The following RASGRF2 variants were observed in gnomAD, a reference collection of about 807,000 sequenced individuals.
RASGRF2 encodes the protein Ras protein specific guanine nucleotide releasing factor 2, also known as ras-specific guanine nucleotide-releasing factor 2.
A neutral mutation model predicts 151.0 loss-of-function variants in RASGRF2; 76 were observed. The observed-to-expected ratio is 0.50, with a 90% confidence interval of 0.42 to 0.61. The LOEUF (loss-of-function observed/expected upper bound fraction) is 0.61, where lower values mean the gene tolerates loss of function less well. RASGRF2 is among the 20% of genes least tolerant of loss of function. RASGRF2 has a pLI of 0.00. For synonymous variants in RASGRF2, 504 were observed against 566.5 expected (o/e 0.89, Z 1.57); for missense variants, 1,148 against 1,564.6 (o/e 0.73, Z 4.49).
At position 81,180,196 on chromosome 5, in the gene RASGRF2, C is replaced by A; in HGVS notation, c.2708C>A (p.Thr903Lys). 1 of 1,609,268 alleles carries A rather than the reference C, an allele frequency of 6.2e-7. No individual in the cohort carries two copies. Among genetic ancestry groups the A allele is most frequent in the Non-Finnish European group, 8.5e-7 (1 of 1,175,790 alleles). ...SPPGFNNTER[T>K]CDKEFIIRRT... ...TAAGGCTTTAACAACACCGAGAGAA[C>A]ATGTGATAAAGAGTTTATTATACGG... The change falls in exon 18 of 27, where the codon ACA (threonine) becomes AAA (lysine). Residue 903 changes from threonine (T) to lysine (K), a missense_variant. Thr to Lys is a moderately conservative substitution (Grantham distance 78, BLOSUM62 -1). Coordinates refer to ENST00000265080, the MANE Select transcript of RASGRF2 (RefSeq NM_006909.3).
At chr5:81,225,634 G>A (rs1408356572) in intron 26 of RASGRF2, 44 bp from the exon 27 acceptor site, 2 of 1,604,192 alleles carry the variant, frequency 1.2e-6, no homozygotes, top group Non-Finnish European at 1.7e-6. Context: ...GTACGCACTG[G>A]TGTCTGAAAG....
At chr5:81,080,821 G>C (rs1187005639) in intron 7 of RASGRF2, 32 bp downstream of exon 7, 7 of 1,593,254 alleles carry the variant, frequency 4.4e-6, no homozygotes, top group Non-Finnish European at 6.0e-6. Flanking sequence ...TTGTAAGTCA[G>C]AGTTTCCAGC....
chr5:81,009,912 A>G (rs1051091093), intron 1 of RASGRF2, among the ~76,000 whole-genome samples: 2 of 152,196 alleles, frequency 1.3e-5, no homozygotes, highest in African/African-American at 4.8e-5. Flanking sequence ...TAATCCCAGC[A>G]CTTTGGGAGG....
At chr5:81,116,370 A>G (rs986274613) in intron 15 of RASGRF2, among the ~76,000 whole-genome samples, 1 of 152,018 alleles carries the variant, frequency 6.6e-6, no homozygotes, top group Non-Finnish European at 1.5e-5. Context: ...GGCATGAGCC[A>G]CCATACCCAG....
At chr5:81,058,439 C>T (rs567392448) in intron 2 of RASGRF2, among the ~76,000 whole-genome samples, 27 of 152,240 alleles carry the variant, frequency 1.8e-4, no homozygotes, top group Admixed American at 3.3e-4. Context: ...TGATTTGATG[C>T]AATCCTGGAG....
chr5:81,080,673 G>A lies in RASGRF2; in HGVS notation c.1045G>A (p.Val349Ile). 6.2e-7 allele frequency: 1 copy of A among 1,614,190 alleles called. No homozygotes were observed. Among genetic ancestry groups the A allele is most frequent in the Non-Finnish European group, 8.5e-7 (1 of 1,179,992 alleles). The change falls in exon 7 of 27, where the codon GTT becomes ATT. Residue 349 changes from valine (V) to isoleucine (I), a missense_variant. By Grantham distance (29) the Val-to-Ile change is conservative. Transcript: ENST00000265080. ...GCGTAATCACCAGTACAGCCTGCAA[G>A]TTCTCGCCAATTGTAAGCAAAACAG... ...FVRNHQYSLQ[V>I]LANCKQNRDF...
intron 15 of RASGRF2, among the ~76,000 whole-genome samples, chr5:81,116,611 A>G (rs1415265810): frequency 6.6e-6 from 1 of 152,152 alleles, no homozygotes; most frequent in Non-Finnish European, 1.5e-5. Context: ...GCTCAATAGT[A>G]TTGTTGAACG....
chr5:81,154,737 C>A lies in RASGRF2; in HGVS notation c.2687-25438C>A, dbSNP rs78549660. ...ACAAATTGTTAAATAACTCATGGGT[C>A]AAAGAAAAAATAGATATTTCTTTGA... is the stretch of plus-strand genomic sequence containing the variant. On this transcript the variant is annotated intron_variant, in intron 17 of 26. Coordinates refer to ENST00000265080, the MANE Select transcript of RASGRF2 (RefSeq NM_006909.3). Among the ~76,000 whole-genome samples, 46 of 152,064 alleles carry A rather than the reference C, an allele frequency of 3.0e-4. No individual in the cohort carries two copies. The East Asian group carries it at 6.8e-3, about 22-fold the overall frequency.
chr5:80,960,396 G>T lies in RASGRF2; in HGVS notation c.-343G>T, dbSNP rs1444201322. Among the ~76,000 whole-genome samples the T allele has an allele frequency of 6.6e-6, 1 of 151,002 alleles. No individual in the cohort carries two copies. The highest frequency in any genetic ancestry group is 2.4e-5 in the African/African-American group (1 of 41,340). ...CCCGGCTGCCGCCCCAGCCCGCCGC[G>T]GGGGCTCGGCTCCCGCAACTTTGGG... On this transcript the variant is annotated 5_prime_UTR_variant, in exon 1 of 27. Coordinates refer to ENST00000265080, the MANE Select transcript of RASGRF2 (RefSeq NM_006909.3). The surrounding 1 kb of genome is among the most constrained non-coding windows in gnomAD (Gnocchi z 5.5).
chr5:81,211,058 C>T (rs191117809), intron 22 of RASGRF2, among the ~76,000 whole-genome samples: 9 of 151,130 alleles, frequency 6.0e-5, no homozygotes, highest in African/African-American at 2.2e-4. Flanking sequence ...GTGAGAGGAT[C>T]GCTTGAGCCC....
Position 81,092,788 on chromosome 5 carries a change from T to C in RASGRF2, c.1391-13T>C. The C allele has an allele frequency of 6.2e-7, 1 of 1,606,432 alleles. No individual in the cohort carries two copies. The highest frequency in any genetic ancestry group is 1.1e-5 in the South Asian group (1 of 89,892). Reference sequence around the variant, plus strand: ...TTTAATTGCTGTGTATTCTTCATTTTTGTAATCACCAGGTTCTCTTATTCA... The same window carrying C: ...TTTAATTGCTGTGTATTCTTCATTTCTGTAATCACCAGGTTCTCTTATTCA... On this transcript the variant is annotated splice_polypyrimidine_tract_variant and intron_variant, in intron 9 of 26. Coordinates refer to ENST00000265080, the MANE Select transcript of RASGRF2 (RefSeq NM_006909.3).
intron 1 of RASGRF2, among the ~76,000 whole-genome samples, chr5:80,989,263 G>A (rs1018007375): frequency 6.6e-6 from 1 of 152,098 alleles, no homozygotes; most frequent in Non-Finnish European, 1.5e-5. Context: ...GAGCCACTGT[G>A]CCTGGCCATA....
intron 1 of RASGRF2, among the ~76,000 whole-genome samples, chr5:80,968,873 G>A (rs1024325580): frequency 2.0e-5 from 3 of 151,712 alleles, no homozygotes; most frequent in Admixed American, 6.6e-5. Flanking sequence ...TTTTGGAGAT[G>A]GGGTCTCCCT....
intron 2 of RASGRF2, among the ~76,000 whole-genome samples, chr5:81,065,805 C>T (rs1377647875): frequency 1.3e-5 from 2 of 152,156 alleles, no homozygotes; most frequent in Non-Finnish European, 2.9e-5. Context: ...TGGAATTTTA[C>T]AAATTCCATT....
At chr5:81,018,881 C>T (rs1749730823) in intron 1 of RASGRF2, among the ~76,000 whole-genome samples, 1 of 150,810 alleles carries the variant, frequency 6.6e-6, no homozygotes, top group Non-Finnish European at 1.5e-5. Context: ...CGGCTCACTA[C>T]AACCTCTGCC....
At chr5:81,014,851 A>T (rs1426170195) in intron 1 of RASGRF2, among the ~76,000 whole-genome samples, 1 of 152,182 alleles carries the variant, frequency 6.6e-6, no homozygotes, top group Non-Finnish European at 1.5e-5. Flanking sequence ...ACATTCTTGT[A>T]CATAGTCATT....
intron 15 of RASGRF2, among the ~76,000 whole-genome samples, chr5:81,120,657 T>C (rs1580335379): frequency 6.6e-6 from 1 of 151,984 alleles, no homozygotes; most frequent in Non-Finnish European, 1.5e-5. Context: ...AAGGAATAAG[T>C]TGTGTGTGGC....
intron 2 of RASGRF2, among the ~76,000 whole-genome samples, chr5:81,056,378 A>G (rs528152298): frequency 2.5e-4 from 38 of 152,146 alleles, no homozygotes; most frequent in African/African-American, 7.9e-4. Context: ...CCTTCATTTC[A>G]TTATGTACCC....
intron 1 of RASGRF2, among the ~76,000 whole-genome samples, chr5:80,964,659 A>T (rs1305294229): frequency 6.6e-6 from 1 of 152,160 alleles, no homozygotes; most frequent in Non-Finnish European, 1.5e-5. Context: ...GGGGTATAGG[A>T]TGTGAATCAC....
Sources: gnomAD v4.1 joint callset for allele counts (sites outside exome capture counted in the v4.1 genomes callset) on GRCh38, gnomAD v4.1.1 for gene constraint, Gnocchi (gnomAD v3.1) non-coding constraint, MANE v1.5 for transcripts, NCBI Gene and HGNC (gene_info 2026-07-23, HGNC 2026-07-21) for gene names.